The following CDK14 variants were observed in gnomAD, a reference collection of about 807,000 sequenced individuals.
CDK14 encodes the protein cyclin-dependent kinase 14.
CDK14 carries 34 observed loss-of-function variants against 60.7 expected under a neutral mutation model. That is an observed-to-expected ratio of 0.56 (90% CI 0.43 to 0.75). CDK14 has a LOEUF of 0.75. Ranked by LOEUF, CDK14 falls within the 30% of genes least tolerant of loss-of-function variation. The pLI, the probability that CDK14 is intolerant of heterozygous loss-of-function variation, is 0.00. For missense variants in CDK14, 482 were observed against 564.1 expected (o/e 0.85, Z 1.47); for synonymous variants, 197 against 203.7 (o/e 0.97, Z 0.28).
At chr7:90,672,741 C>A (rs911409350) in intron 2 of CDK14, among the ~76,000 whole-genome samples, 45 of 151,904 alleles carry the variant, frequency 3.0e-4, no homozygotes, top group African/African-American at 9.9e-4. Context: ...CCAGGTTGGC[C>A]TTGAACTCCT....
intron 14 of CDK14, among the ~76,000 whole-genome samples, chr7:91,205,905 C>T (rs1330453082): frequency 6.6e-6 from 1 of 151,666 alleles, no homozygotes; most frequent in Non-Finnish European, 1.5e-5. Flanking sequence ...ATGCCATTCT[C>T]CTGCCTCAGC....
chr7:90,841,659 T>TACACACACAC (rs57434660), intron 5 of CDK14, among the ~76,000 whole-genome samples: 10,834 of 139,240 alleles, frequency 0.078, 528 homozygotes, highest in East Asian at 0.12. Context: ...TATATATATG[T>TACACACACAC]ACACACACAC....
chr7:90,922,867 T>G (rs1277245846), intron 8 of CDK14, among the ~76,000 whole-genome samples: 3 of 152,160 alleles, frequency 2.0e-5, no homozygotes, highest in Admixed American at 6.5e-5. Context: ...AGAAGCGTCT[T>G]AGGTTCACAG....
chr7:90,640,787 A>G (rs1432378136), intron 2 of CDK14, among the ~76,000 whole-genome samples: 1 of 152,104 alleles, frequency 6.6e-6, no homozygotes, highest in Non-Finnish European at 1.5e-5. Flanking sequence ...TTATCTTTTC[A>G]CTTTCTTAAT....
At chr7:90,673,210 C>T (rs1251885627) in intron 2 of CDK14, among the ~76,000 whole-genome samples, 2 of 152,088 alleles carry the variant, frequency 1.3e-5, no homozygotes, top group Non-Finnish European at 2.9e-5. Flanking sequence ...CTGTAGGGCT[C>T]TATGGCAGTG....
chr7:91,090,368 G>A (rs1798765379), intron 12 of CDK14, among the ~76,000 whole-genome samples: 1 of 152,160 alleles, frequency 6.6e-6, no homozygotes. Context: ...TGACAAGAAT[G>A]TTCGCTATCT....
chr7:90,872,371 G>A (rs2117251744), intron 6 of CDK14, among the ~76,000 whole-genome samples: 1 of 152,282 alleles, frequency 6.6e-6, no homozygotes, highest in Non-Finnish European at 1.5e-5. Flanking sequence ...ACCAAGTACA[G>A]AATGCGAACA....
At chr7:91,060,165 G>A (rs1431249033) in intron 11 of CDK14, among the ~76,000 whole-genome samples, 1 of 150,208 alleles carries the variant, frequency 6.7e-6, no homozygotes, top group Middle Eastern at 3.4e-3. Flanking sequence ...TAATGGCCTT[G>A]TCTCTTTTGA....
intron 12 of CDK14, among the ~76,000 whole-genome samples, chr7:91,091,518 A>ATATATAT (rs1562900735): frequency 2.3e-5 from 1 of 43,254 alleles, no homozygotes; most frequent in African/African-American, 1.1e-4. Context: ...TATATATATA[A>ATATATAT]ATTAGCCAGG....
chr7:90,738,115 CTG>C (rs113349487), intron 3 of CDK14, among the ~76,000 whole-genome samples: 23,583 of 152,064 alleles, frequency 0.16, 1,933 homozygotes, highest in Middle Eastern at 0.25. Flanking sequence ...GGTTAGGACT[CTG>C]TGTGAATATT....
At chr7:90,742,155 AT>A (rs1803373328) in intron 3 of CDK14, among the ~76,000 whole-genome samples, 1 of 152,026 alleles carries the variant, frequency 6.6e-6, no homozygotes, top group Non-Finnish European at 1.5e-5. Context: ...AGCATTTTAT[AT>A]TTTTATGCTA....
At chr7:90,619,649 C>G (rs183226228) in intron 2 of CDK14, among the ~76,000 whole-genome samples, 3 of 152,050 alleles carry the variant, frequency 2.0e-5, no homozygotes, top group African/African-American at 4.8e-5. Context: ...GAGAACTGAC[C>G]GTTATGTTTA....
At chr7:91,028,257 G>A (rs1167531622) in intron 10 of CDK14, among the ~76,000 whole-genome samples, 5 of 151,160 alleles carry the variant, frequency 3.3e-5, no homozygotes, top group African/African-American at 1.2e-4. Context: ...AGTATTCCAC[G>A]ACAGACACAC....
intron 2 of CDK14, among the ~76,000 whole-genome samples, chr7:90,718,570 A>G (rs1802333325): frequency 6.6e-6 from 1 of 152,134 alleles, no homozygotes; most frequent in South Asian, 2.1e-4. Context: ...GTTTGCATGT[A>G]TATTAGATAA....
rs1392916134 is a variant in CDK14, at chr7:91,084,677, A to G, written c.1154+5197A>G. Among the ~76,000 whole-genome samples, 6 of 152,156 alleles carry G rather than the reference A, an allele frequency of 3.9e-5. No homozygotes were observed. The South Asian group carries it at 8.3e-4, about 21-fold the overall frequency. ...GATGGCCAAGGGCAGGCCCCATGCTATTTGTTATCTGTTGGACACGCGTTT... is the reference window on the plus strand; with the variant it reads ...GATGGCCAAGGGCAGGCCCCATGCTGTTTGTTATCTGTTGGACACGCGTTT... On this transcript the variant is annotated intron_variant, in intron 12 of 14. Coordinates refer to ENST00000380050, the MANE Select transcript of CDK14 (RefSeq NM_001287135.2).
intron 7 of CDK14, among the ~76,000 whole-genome samples, chr7:90,903,998 A>G (rs1183660835): frequency 2.0e-5 from 3 of 152,006 alleles, no homozygotes; most frequent in Non-Finnish European, 2.9e-5. Flanking sequence ...CCCTGGGGAC[A>G]TGTGTACTTG....
chr7:90,880,428 C>T (rs1313612198), intron 6 of CDK14, among the ~76,000 whole-genome samples: 2 of 152,130 alleles, frequency 1.3e-5, no homozygotes, highest in African/African-American at 2.4e-5. Flanking sequence ...GAACAGAATT[C>T]GGATCTCCCT....
intron 2 of CDK14, among the ~76,000 whole-genome samples, chr7:90,613,979 T>C (rs1451903149): frequency 1.3e-5 from 2 of 151,022 alleles, no homozygotes; most frequent in East Asian, 3.9e-4. Flanking sequence ...CCTGAGTGTT[T>C]GAGACTATTT....
intron 9 of CDK14, among the ~76,000 whole-genome samples, chr7:90,971,653 T>TAAAAAAAAAAAA (rs35135401): frequency 1.7e-5 from 2 of 119,540 alleles, no homozygotes; most frequent in Non-Finnish European, 1.7e-5. Context: ...ATATACATAG[T>TAAAAAAAAAAAA]AAAAAAAAAA....
Sources: gnomAD v4.1 joint callset for allele counts (sites outside exome capture counted in the v4.1 genomes callset) on GRCh38, gnomAD v4.1.1 for gene constraint, MANE v1.5 for transcripts, NCBI Gene and HGNC (gene_info 2026-07-23, HGNC 2026-07-21) for gene names.